The following NDRG3 variants were observed in gnomAD, a reference collection of about 807,000 sequenced individuals.
NDRG3 encodes protein NDRG3.
Under a neutral mutation model 57.2 loss-of-function variants are expected in NDRG3, and 23 were observed. The ratio of observed to expected loss-of-function variants is 0.40; its 90% CI spans 0.29 to 0.57. The LOEUF (loss-of-function observed/expected upper bound fraction) is 0.57, where lower values mean the gene tolerates loss of function less well. Ranked by LOEUF, NDRG3 falls within the 20% of genes least tolerant of loss-of-function variation. The pLI is 0.42. For synonymous variants in NDRG3, 132 were observed against 162.6 expected (o/e 0.81, Z 1.43); for missense variants, 384 against 457.3 (o/e 0.84, Z 1.46).
intron 3 of NDRG3, among the ~76,000 whole-genome samples, chr20:36,691,164 T>C (rs1051541155): frequency 6.6e-6 from 1 of 152,220 alleles, no homozygotes; most frequent in Non-Finnish European, 1.5e-5. Context: ...TATCTAATAA[T>C]GAACCTCATA....
chr20:36,708,158 A>G (rs1983656339), intron 2 of NDRG3, among the ~76,000 whole-genome samples: 1 of 152,152 alleles, frequency 6.6e-6, no homozygotes, highest in Non-Finnish European at 1.5e-5. Flanking sequence ...ATTTTTCACA[A>G]AGTGTAACCC....
At chr20:36,666,467 C>T in intron 9 of NDRG3, 75 bp from the exon 10 acceptor site, 1 of 1,127,268 alleles carries the variant, frequency 8.9e-7, no homozygotes, top group Non-Finnish European at 1.3e-6. Flanking sequence ...TTTGCATTTT[C>T]ATTACCACAA....
intron 3 of NDRG3, among the ~76,000 whole-genome samples, chr20:36,706,489 G>T (rs1983555803): frequency 6.6e-6 from 1 of 151,982 alleles, no homozygotes; most frequent in South Asian, 2.1e-4. Flanking sequence ...GAACACGATA[G>T]CAAATCAGTT....
chr20:36,671,275 A>C, intron 9 of NDRG3, 66 bp downstream of exon 9: 1 of 1,315,036 alleles, frequency 7.6e-7, no homozygotes, highest in Middle Eastern at 1.8e-4. Flanking sequence ...CTTCTTTCCT[A>C]AGGTAAAATA....
At chr20:36,715,709 TGGGAGGCTAAGGTAGCCTCC>T in intron 2 of NDRG3, among the ~76,000 whole-genome samples, 1 of 149,700 alleles carries the variant, frequency 6.7e-6, no homozygotes, top group East Asian at 2.0e-4. Flanking sequence ...CCCAACTACT[TGGGAGGCTAAGGTAGCCTCC>T]CAAGTAGGTG....
At chr20:36,706,663 T>C (rs1388736012) in intron 3 of NDRG3, among the ~76,000 whole-genome samples, 1 of 152,018 alleles carries the variant, frequency 6.6e-6, no homozygotes, top group African/African-American at 2.4e-5. Flanking sequence ...ACCACCACGC[T>C]TGGCTAATTT....
chr20:36,744,971 G>C (rs906971157), intron 1 of NDRG3, among the ~76,000 whole-genome samples: 1 of 151,322 alleles, frequency 6.6e-6, no homozygotes, highest in Non-Finnish European at 1.5e-5. Context: ...AGGGTAAGGG[G>C]GGGGGGGGGC....
Position 36,654,818 on chromosome 20 carries a change from T to C in NDRG3, c.947-1117A>G. The C allele has an allele frequency of 2.6e-6, 2 of 779,536 alleles. 1 individual carries two copies. Among genetic ancestry groups the C allele is most frequent in the South Asian group, 2.7e-5 (2 of 74,614 alleles). 48.3% of individuals were successfully genotyped at this position (779,536 alleles called of 1,614,324 possible). ...GAAGGTACCTGACTCGGTGCTCAGG[T>C]GACTGAGCTGCACATACGGGACTGG... On this transcript the variant is annotated intron_variant, in intron 15 of 15. Transcript: ENST00000349004.
intron 8 of NDRG3, among the ~76,000 whole-genome samples, chr20:36,678,533 G>C (rs967714957): frequency 9.2e-5 from 14 of 151,998 alleles, no homozygotes; most frequent in Admixed American, 3.3e-4. Context: ...ATACAAAAAT[G>C]AGCCAGGCAT....
Position 36,653,649 on chromosome 20 carries a change from C to T in NDRG3, c.999G>A (p.Ser333=), listed in dbSNP as rs147397940. The T allele has an allele frequency of 2.0e-5, 32 of 1,613,934 alleles. No individual in the cohort carries two copies. Among genetic ancestry groups the T allele is most frequent in the Non-Finnish European group, 2.6e-5 (31 of 1,180,036 alleles). Residue 333 remains serine, a synonymous_variant, in exon 16 of 16, where the codon TCG becomes TCA. Coordinates refer to ENST00000349004, the MANE Select transcript of NDRG3 (RefSeq NM_032013.4). The surrounding 1 kb of genome is among the most constrained non-coding windows in gnomAD (Gnocchi z 4.2). ...RLARSRTHST[S]SSLGSGESPF... ...GACTTTCTCCAGAGCCGAGGCTACT[C>T]GAGGTTGAGTGGGTTCGTGATCGGG... is the stretch of plus-strand genomic sequence containing the variant.
chr20:36,705,135 C>A (rs565489175), intron 3 of NDRG3, among the ~76,000 whole-genome samples: 1 of 151,442 alleles, frequency 6.6e-6, no homozygotes, highest in Non-Finnish European at 1.5e-5. Flanking sequence ...TCCTGACCAA[C>A]ATGGTGAAAC....
intron 1 of NDRG3, among the ~76,000 whole-genome samples, chr20:36,723,039 C>A (rs1483506961): frequency 1.3e-5 from 2 of 152,306 alleles, no homozygotes; most frequent in South Asian, 4.1e-4. Context: ...AGTTACCTTG[C>A]AAATGAATCC....
intron 9 of NDRG3, among the ~76,000 whole-genome samples, chr20:36,670,845 C>T (rs529804389): frequency 9.9e-5 from 15 of 152,278 alleles, no homozygotes; most frequent in African/African-American, 3.6e-4. Flanking sequence ...CCAGGTTCCC[C>T]CTCACCTACC....
chr20:36,654,681 C>A, intron 15 of NDRG3: 1 of 706,534 alleles, frequency 1.4e-6, no homozygotes, highest in Non-Finnish European at 2.7e-6. Context: ...TCTCTTGGGG[C>A]GTACTGAGCC....
intron 1 of NDRG3, among the ~76,000 whole-genome samples, chr20:36,740,090 C>A (rs1175889929): frequency 4.6e-5 from 7 of 152,006 alleles, no homozygotes; most frequent in African/African-American, 1.4e-4. Context: ...ATAGCTAAAG[C>A]CTGGCGGAAA....
intron 1 of NDRG3, among the ~76,000 whole-genome samples, chr20:36,741,942 T>C (rs553493009): frequency 6.6e-6 from 1 of 152,322 alleles, no homozygotes; most frequent in South Asian, 2.1e-4. Flanking sequence ...CCAATTTTTT[T>C]ACTGTCCGTT....
chr20:36,709,292 C>T (rs765129887), intron 2 of NDRG3, among the ~76,000 whole-genome samples: 3 of 152,164 alleles, frequency 2.0e-5, no homozygotes, highest in Non-Finnish European at 4.4e-5. Flanking sequence ...ATGACTGCAG[C>T]AAGTTCTACT....
intron 1 of NDRG3, among the ~76,000 whole-genome samples, chr20:36,741,614 T>G (rs1985933043): frequency 6.6e-6 from 1 of 152,216 alleles, no homozygotes; most frequent in Non-Finnish European, 1.5e-5. Context: ...GAGCTTGGTA[T>G]ATATCTTTCC....
chr20:36,667,868 A>C (rs779638569), intron 9 of NDRG3, among the ~76,000 whole-genome samples: 9 of 152,204 alleles, frequency 5.9e-5, no homozygotes, highest in Non-Finnish European at 1.0e-4. Flanking sequence ...CTGAAACTGA[A>C]GGGTACGCGA....
Sources: allele counts gnomAD v4.1 joint callset (sites outside exome capture counted in the v4.1 genomes callset), GRCh38; gene constraint gnomAD v4.1.1; non-coding constraint Gnocchi (gnomAD v3.1); transcripts MANE v1.5; gene names NCBI Gene and HGNC (gene_info 2026-07-23, HGNC 2026-07-21).